The following ATP8A2 variants were observed in gnomAD, a reference collection of about 807,000 sequenced individuals.
ATP8A2 encodes phospholipid-transporting ATPase IB.
A neutral mutation model predicts 165.6 loss-of-function variants in ATP8A2; 100 were observed. That is an observed-to-expected ratio of 0.60 (90% CI 0.51 to 0.71). The LOEUF is 0.71. ATP8A2 is among the 30% of genes least tolerant of loss of function. ATP8A2 has a pLI of 0.00. For synonymous variants in ATP8A2, 543 were observed against 548.8 expected, an observed-to-expected ratio of 0.99 and a Z score of 0.15; for missense variants, 1,227 against 1,479.5, an observed-to-expected ratio of 0.83 and a Z score of 2.80.
intron 2 of ATP8A2, among the ~76,000 whole-genome samples, chr13:25,478,301 T>C (rs1028394990): frequency 1.7e-4 from 26 of 152,170 alleles, no homozygotes; most frequent in African/African-American, 6.3e-4. Context: ...AGTTTAGTCA[T>C]GTGAGCTTCT....
At chr13:25,542,087 A>G (rs1463722248) in intron 9 of ATP8A2, 41 bp downstream of exon 9, 27 of 1,569,918 alleles carry the variant, frequency 1.7e-5, no homozygotes, top group Non-Finnish European at 2.4e-5. Context: ...AAACTATGTG[A>G]CTAAGAATTA....
chr13:25,457,402 A>G (rs1206707560), intron 1 of ATP8A2, among the ~76,000 whole-genome samples: 3 of 152,240 alleles, frequency 2.0e-5, no homozygotes, highest in Non-Finnish European at 4.4e-5. Flanking sequence ...CATATCAATG[A>G]TCATATAGAT....
intron 19 of ATP8A2, among the ~76,000 whole-genome samples, chr13:25,575,959 A>G (rs964736354): frequency 1.1e-4 from 16 of 152,204 alleles, no homozygotes; most frequent in African/African-American, 3.9e-4. Context: ...AAATGTATAT[A>G]TGGGAGAATA....
At chr13:25,490,955 G>A (rs2036511960) in intron 2 of ATP8A2, among the ~76,000 whole-genome samples, 1 of 151,832 alleles carries the variant, frequency 6.6e-6, no homozygotes, top group South Asian at 2.1e-4. Context: ...GTGTTGCCCA[G>A]GCTGGTCTCA....
chr13:25,683,169 A>G (rs575001909), intron 24 of ATP8A2, among the ~76,000 whole-genome samples: 1 of 142,036 alleles, frequency 7.0e-6, no homozygotes, highest in Non-Finnish European at 1.5e-5. Flanking sequence ...ATAGGATGAA[A>G]TAGACCAGGA....
intron 33 of ATP8A2, among the ~76,000 whole-genome samples, chr13:25,882,190 C>G (rs1052208023): frequency 2.0e-5 from 3 of 152,064 alleles, no homozygotes; most frequent in African/African-American, 7.2e-5. Flanking sequence ...TCTGCAACCA[C>G]GAGATAATGA....
intron 24 of ATP8A2, among the ~76,000 whole-genome samples, chr13:25,665,355 G>C (rs1378810516): frequency 6.6e-6 from 1 of 152,144 alleles, no homozygotes; most frequent in East Asian, 1.9e-4. Flanking sequence ...CTACTTGGGA[G>C]GCTGAGGAGG....
At chr13:25,550,080 G>A (rs1464941646) in intron 10 of ATP8A2, among the ~76,000 whole-genome samples, 3 of 152,254 alleles carry the variant, frequency 2.0e-5, no homozygotes, top group Admixed American at 2.0e-4. Context: ...CGAGGAGGGT[G>A]GATCACCTGA....
At chr13:25,900,224 A>T (rs1953694815) in intron 33 of ATP8A2, among the ~76,000 whole-genome samples, 1 of 152,180 alleles carries the variant, frequency 6.6e-6, no homozygotes, top group South Asian at 2.1e-4. Context: ...ATGAATATTT[A>T]TGAGAGGAGA....
intron 30 of ATP8A2, among the ~76,000 whole-genome samples, chr13:25,850,053 G>C (rs990375184): frequency 1.3e-5 from 2 of 152,194 alleles, no homozygotes; most frequent in Admixed American, 1.3e-4. Flanking sequence ...GGATTTCTGA[G>C]ATGGGTAATG....
chr13:25,667,195 C>A (rs1341341251), intron 24 of ATP8A2, among the ~76,000 whole-genome samples: 1 of 152,130 alleles, frequency 6.6e-6, no homozygotes, highest in East Asian at 1.9e-4. Context: ...TATGGATTTA[C>A]CCACTCTGAT....
chr13:25,849,103 G>A (rs1415476867), intron 30 of ATP8A2, among the ~76,000 whole-genome samples: 1 of 152,050 alleles, frequency 6.6e-6, no homozygotes, highest in African/African-American at 2.4e-5. Context: ...GGAGGAGAGA[G>A]GAAAAGCAGG....
chr13:25,645,636 A>G (rs920001590), intron 24 of ATP8A2, among the ~76,000 whole-genome samples: 42 of 152,182 alleles, frequency 2.8e-4, no homozygotes, highest in Middle Eastern at 3.4e-3. Context: ...TTGTTTCAAT[A>G]TATTTTTAAA....
chr13:25,739,174 C>T (rs759275394), intron 25 of ATP8A2, among the ~76,000 whole-genome samples: 3 of 152,218 alleles, frequency 2.0e-5, no homozygotes, highest in Non-Finnish European at 4.4e-5. Flanking sequence ...CATCCAGAGC[C>T]TGAACTGGAG....
intron 25 of ATP8A2, among the ~76,000 whole-genome samples, 172 bp downstream of exon 25, chr13:25,699,517 G>A (rs1287243996): frequency 1.3e-5 from 2 of 152,210 alleles, no homozygotes; most frequent in African/African-American, 4.8e-5. Flanking sequence ...TGCAGAGGCA[G>A]TTAGTGGTTT....
intron 36 of ATP8A2, among the ~76,000 whole-genome samples, chr13:26,018,180 C>A (rs1335423983): frequency 6.6e-6 from 1 of 152,236 alleles, no homozygotes; most frequent in Non-Finnish European, 1.5e-5. Flanking sequence ...CCCCCCTGAG[C>A]CTTTGGGATT....
chr13:25,573,061 C>G (rs1389735220), intron 18 of ATP8A2, among the ~76,000 whole-genome samples: 1 of 152,108 alleles, frequency 6.6e-6, no homozygotes, highest in African/African-American at 2.4e-5. Flanking sequence ...GGAAATGTAC[C>G]ATCATTAAAA....
At chr13:25,824,347 C>G (rs1448660029) in intron 27 of ATP8A2, among the ~76,000 whole-genome samples, 1 of 152,166 alleles carries the variant, frequency 6.6e-6, no homozygotes, top group Non-Finnish European at 1.5e-5. Context: ...CTATTTGTCT[C>G]TTTCTTTGCT....
intron 27 of ATP8A2, among the ~76,000 whole-genome samples, chr13:25,824,134 C>A (rs756597656): frequency 3.9e-5 from 6 of 152,076 alleles, no homozygotes; most frequent in Non-Finnish European, 7.4e-5. Context: ...CCACGCCTGG[C>A]TAATGTTTGT....
Sources: allele counts gnomAD v4.1 joint callset (sites outside exome capture counted in the v4.1 genomes callset), GRCh38; gene constraint gnomAD v4.1.1; transcripts MANE v1.5; gene names NCBI Gene and HGNC (gene_info 2026-07-23, HGNC 2026-07-21).